Variants in KLHL2 observed in about 807,000 individuals in gnomAD.
KLHL2 encodes the protein kelch-like protein 2.
Under a neutral mutation model 75.8 loss-of-function variants are expected in KLHL2, and 15 were observed. That is an observed-to-expected ratio of 0.20 (90% CI 0.13 to 0.30). The LOEUF is 0.30. KLHL2 is among the 10% of genes least tolerant of loss of function. The pLI is 1.00. For missense variants in KLHL2, 381 were observed against 741.0 expected (o/e 0.51, Z 5.64); for synonymous variants, 214 against 251.9 (o/e 0.85, Z 1.42).
At chr4:165,299,447 TGGCAA>T in intron 7 of KLHL2, 55 bp from the exon 8 acceptor site, 2 of 1,444,098 alleles carry the variant, frequency 1.4e-6, no homozygotes, top group South Asian at 1.5e-5. Flanking sequence ...TCTTTTTCTT[TGGCAA>T]TTTAATTATG....
intron 8 of KLHL2, 126 bp downstream of exon 8, chr4:165,299,782 C>G: frequency 1.3e-6 from 1 of 791,804 alleles, no homozygotes; most frequent in South Asian, 1.9e-5. Context: ...GAAAATGTGC[C>G]TAAGAATGCA....
At chr4:165,258,900 C>T (rs74873640) in intron 4 of KLHL2, among the ~76,000 whole-genome samples, 75 of 144,558 alleles carry the variant, frequency 5.2e-4, no homozygotes, top group South Asian at 8.7e-4. Context: ...AAATTCTGAT[C>T]ACTTGTAATC....
At chr4:165,258,996 A>T (rs932279304) in intron 4 of KLHL2, among the ~76,000 whole-genome samples, 1 of 152,152 alleles carries the variant, frequency 6.6e-6, no homozygotes, top group African/African-American at 2.4e-5. Context: ...CAGTGAGTCA[A>T]TTTTTGCTTA....
chr4:165,250,973 T>A (rs1740657527), intron 4 of KLHL2, among the ~76,000 whole-genome samples: 2 of 152,348 alleles, frequency 1.3e-5, no homozygotes, highest in East Asian at 3.9e-4. Flanking sequence ...TGGTTTGACA[T>A]GTAATGGTTA....
intron 13 of KLHL2, among the ~76,000 whole-genome samples, chr4:165,317,519 C>G (rs1488666012): frequency 6.6e-6 from 1 of 152,048 alleles, no homozygotes; most frequent in East Asian, 1.9e-4. Context: ...CACACTCCCC[C>G]ATGCCTGGCT....
intron 8 of KLHL2, among the ~76,000 whole-genome samples, chr4:165,303,618 A>G (rs942317419): frequency 2.0e-5 from 3 of 152,042 alleles, no homozygotes; most frequent in Non-Finnish European, 2.9e-5. Flanking sequence ...GCTGGAGTGC[A>G]TTAGTGCAGT....
intron 5 of KLHL2, among the ~76,000 whole-genome samples, chr4:165,269,266 A>G (rs1428290401): frequency 6.6e-6 from 1 of 151,914 alleles, no homozygotes; most frequent in African/African-American, 2.4e-5. Context: ...TCTTTATCCA[A>G]TTTACCAGCC....
Position 165,317,822 on chromosome 4 carries a change from A to G in KLHL2, c.1610-4A>G. The G allele has an allele frequency of 6.2e-7, 1 of 1,604,744 alleles. No homozygotes were observed. Among genetic ancestry groups the G allele is most frequent in the Admixed American group, 1.7e-5 (1 of 57,584 alleles). Reference sequence around the variant, plus strand: ...AATTGTTTTCTCTCTGTAATTTTTTAAAGGAGTTTGTGCAGTTAATGGTCT... The same window carrying G: ...AATTGTTTTCTCTCTGTAATTTTTTGAAGGAGTTTGTGCAGTTAATGGTCT... On this transcript the variant is annotated splice_polypyrimidine_tract_variant and splice_region_variant and intron_variant, in intron 13 of 14. Transcript: ENST00000226725.
intron 6 of KLHL2, among the ~76,000 whole-genome samples, chr4:165,295,848 A>G (rs945613465): frequency 1.3e-5 from 2 of 152,210 alleles, no homozygotes; most frequent in African/African-American, 2.4e-5. Flanking sequence ...AGAAGATGAT[A>G]TAATAAAATA....
Position 165,215,589 on chromosome 4 carries a change from C to T in KLHL2, c.27-4345C>T, listed in dbSNP as rs1461214129. 6.6e-5 allele frequency among the ~76,000 whole-genome samples: 10 copies of T among 152,106 alleles called. No individual in the cohort carries two copies. In the East Asian group the frequency reaches 1.9e-3, roughly 29 times the overall value. On this transcript the variant is annotated intron_variant, in intron 1 of 14. Transcript: ENST00000226725. ...CATTGCAAGCAGGGGAGTCTTGCAGCTTTTGAGGTGAACAGGCAAAGGGGA... is the reference window on the plus strand; with the variant it reads ...CATTGCAAGCAGGGGAGTCTTGCAGTTTTTGAGGTGAACAGGCAAAGGGGA...
intron 4 of KLHL2, among the ~76,000 whole-genome samples, chr4:165,245,285 G>A (rs1180736650): frequency 1.3e-5 from 2 of 152,188 alleles, no homozygotes; most frequent in Admixed American, 1.3e-4. Context: ...ACAGATTCAG[G>A]TCTGAATGAG....
chr4:165,226,720 A>T (rs1738466405), intron 2 of KLHL2, among the ~76,000 whole-genome samples: 1 of 152,060 alleles, frequency 6.6e-6, no homozygotes, highest in African/African-American at 2.4e-5. Context: ...AGTATATATT[A>T]TGTCAAAAAA....
intron 4 of KLHL2, among the ~76,000 whole-genome samples, chr4:165,248,030 A>C: frequency 6.6e-6 from 1 of 152,346 alleles, no homozygotes; most frequent in African/African-American, 2.4e-5. Context: ...GCTTAATAAA[A>C]AAATCATTTA....
intron 13 of KLHL2, among the ~76,000 whole-genome samples, chr4:165,315,556 A>G (rs1221138666): frequency 6.6e-6 from 1 of 152,244 alleles, no homozygotes; most frequent in East Asian, 1.9e-4. Flanking sequence ...GCAAATAACA[A>G]AATTTGAATT....
rs763032894 is a variant in KLHL2, at chr4:165,263,369, G to A, written c.544+10G>A. ...GCCAACACCTATGCAGGCAAGTGGA[G>A]TAGACCTCAGCTGAATTTGGGAGGA... On this transcript the variant is annotated intron_variant, in intron 5 of 14. Transcript: ENST00000226725. 1.2e-6 allele frequency: 2 copies of A among 1,610,266 alleles called. No homozygotes were observed. The highest frequency in any genetic ancestry group is 1.3e-5 in the African/African-American group (1 of 74,978).
chr4:165,271,689 A>G lies in KLHL2; in HGVS notation c.544+8330A>G, dbSNP rs150939101. Among the ~76,000 whole-genome samples the G allele has an allele frequency of 8.9e-3, 1,352 of 152,248 alleles. 14 individuals are homozygous for G. Among genetic ancestry groups the G allele is most frequent in the Non-Finnish European group, 0.014 (974 of 68,006 alleles). On this transcript the variant is annotated intron_variant, in intron 5 of 14. Transcript: ENST00000226725. Reference sequence around the variant, plus strand: ...CTGTCTGGGACTTACGGAAGTTGCTAATTTGTTTTTAAACTATATTTCTGG... The same window carrying G: ...CTGTCTGGGACTTACGGAAGTTGCTGATTTGTTTTTAAACTATATTTCTGG...
In KLHL2 at chr4:165,319,622, G is replaced by A. The variant is rs1346432170; in HGVS notation, c.1753+1653G>A. ...TTGAACATGCAGCTTTTATGTGGGT[G>A]CAGGATTTTTGTTTTTGAGACAGAA... On this transcript the variant is annotated intron_variant, in intron 14 of 14. Transcript: ENST00000226725. The surrounding 1 kb of genome is among the most constrained non-coding windows in gnomAD (Gnocchi z 4.5). Among the ~76,000 whole-genome samples, 1 of 151,938 alleles carries A rather than the reference G, an allele frequency of 6.6e-6. No individual in the cohort carries two copies. The highest frequency in any genetic ancestry group is 1.5e-5 in the Non-Finnish European group (1 of 67,954).
chr4:165,269,477 T>G (rs6823874), intron 5 of KLHL2, among the ~76,000 whole-genome samples: 24,771 of 151,962 alleles, frequency 0.16, 2,703 homozygotes, highest in African/African-American at 0.31. Context: ...GTTTAGTGCT[T>G]CCTTCAGGAG....
intron 5 of KLHL2, chr4:165,279,092 C>T: frequency 1.3e-6 from 2 of 1,575,094 alleles, no homozygotes; most frequent in Non-Finnish European, 8.7e-7. Context: ...TCCTGTCAAA[C>T]TCCAAATAAG....
Sources: gnomAD v4.1 joint callset for allele counts (sites outside exome capture counted in the v4.1 genomes callset) on GRCh38, gnomAD v4.1.1 for gene constraint, Gnocchi (gnomAD v3.1) non-coding constraint, MANE v1.5 for transcripts, NCBI Gene and HGNC (gene_info 2026-07-23, HGNC 2026-07-21) for gene names.